RSBN1: variants seen among roughly 807,000 people sequenced by gnomAD.
RSBN1 encodes round spermatid basic protein 1.
In RSBN1, 23 loss-of-function variants were observed where a neutral mutation model predicts 74.8. The ratio of observed to expected loss-of-function variants is 0.31; its 90% CI spans 0.22 to 0.44. RSBN1 has a LOEUF of 0.44. Among genes scored for constraint, RSBN1 ranks in the 20% least tolerant of loss-of-function variants. The pLI, the probability that RSBN1 is intolerant of heterozygous loss-of-function variation, is 1.00. For synonymous variants in RSBN1, 407 were observed against 379.6 expected (o/e 1.07, Z -0.84); for missense variants, 808 against 1,020.9 (o/e 0.79, Z 2.84).
chr1:113,799,978 T>C (rs1181366462), intron 1 of RSBN1, among the ~76,000 whole-genome samples: 1 of 152,166 alleles, frequency 6.6e-6, no homozygotes, highest in East Asian at 1.9e-4. Context: ...TTAAGACAAA[T>C]ATTCCAATTA....
In RSBN1 at chr1:113,777,539, T is replaced by A. The variant is rs962897519; in HGVS notation, c.1515+132A>T. Reference sequence around the variant, plus strand: ...TAAGTACTTTGTACTAATATTATTCTATCTAAACATTTCTGTGCAAAACAC... The same window carrying A: ...TAAGTACTTTGTACTAATATTATTCAATCTAAACATTTCTGTGCAAAACAC... On this transcript the variant is annotated intron_variant, in intron 3 of 6. Coordinates refer to ENST00000261441, the MANE Select transcript of RSBN1 (RefSeq NM_018364.5). The A allele has an allele frequency of 1.1e-4, 108 of 973,720 alleles. 1 individual carries two copies. In the African/African-American group the frequency reaches 1.6e-3, roughly 15 times the overall value. 60.3% of individuals were successfully genotyped at this position (973,720 alleles called of 1,614,324 possible). A position where few individuals can be genotyped will look rare whatever the true frequency, so the allele number is the denominator to read the frequency against.
At chr1:113,784,286 A>AGGCAATTT (rs1660196423) in intron 2 of RSBN1, among the ~76,000 whole-genome samples, 1 of 152,322 alleles carries the variant, frequency 6.6e-6, no homozygotes, top group South Asian at 2.1e-4. Flanking sequence ...AAATGTCATT[A>AGGCAATTT]GGCAATTTGT....
chr1:113,768,395 G>A lies in RSBN1; in HGVS notation c.1659-6C>T, dbSNP rs201290185. 3.6e-5 allele frequency: 56 copies of A among 1,569,632 alleles called. No homozygotes were observed. Among genetic ancestry groups the A allele is most frequent in the Middle Eastern group, 1.7e-4 (1 of 5,876 alleles). On this transcript the variant is annotated splice_polypyrimidine_tract_variant and splice_region_variant and intron_variant, in intron 4 of 6. Coordinates refer to ENST00000261441, the MANE Select transcript of RSBN1 (RefSeq NM_018364.5). ...TTTTTATTTCATTCATTGATCTAGA[G>A]TTGATTTGGTTGTTAAACAAAGGGT...
intron 2 of RSBN1, among the ~76,000 whole-genome samples, chr1:113,782,465 G>A (rs1435178132): frequency 1.3e-5 from 2 of 152,162 alleles, no homozygotes; most frequent in Admixed American, 1.3e-4. Context: ...ACAGGAGGAA[G>A]AGTTAGCTAA....
chr1:113,784,335 G>C (rs1660197188), intron 2 of RSBN1, among the ~76,000 whole-genome samples: 1 of 152,114 alleles, frequency 6.6e-6, no homozygotes, highest in African/African-American at 2.4e-5. Context: ...ACAAATCTAA[G>C]TGGTATAGCC....
At chr1:113,786,341 T>G (rs1394398553) in intron 2 of RSBN1, among the ~76,000 whole-genome samples, 1 of 152,170 alleles carries the variant, frequency 6.6e-6, no homozygotes, top group Non-Finnish European at 1.5e-5. Context: ...ACCTAACCCC[T>G]AGAACCTAAT....
intron 4 of RSBN1, among the ~76,000 whole-genome samples, chr1:113,776,796 G>A (rs1167602509): frequency 7.4e-6 from 1 of 135,444 alleles, no homozygotes; most frequent in African/African-American, 2.9e-5. Context: ...GGGCAACAGA[G>A]TGAGACCCTA....
intron 2 of RSBN1, among the ~76,000 whole-genome samples, chr1:113,787,706 G>A (rs1660273077): frequency 6.6e-6 from 1 of 152,158 alleles, no homozygotes; most frequent in Non-Finnish European, 1.5e-5. Context: ...AATTCTAGCA[G>A]ACAGGTGTGT....
chr1:113,811,710 C>A lies in RSBN1; in HGVS notation c.703G>T (p.Glu235Ter). 1 of 1,580,322 alleles carries A rather than the reference C, an allele frequency of 6.3e-7. No individual in the cohort carries two copies. Among genetic ancestry groups the A allele is most frequent in the Non-Finnish European group, 8.6e-7 (1 of 1,159,820 alleles). ...AGCCGGGCAGTTTGCCTGCTCTCAC[C>A]TCTCTTGGGGGCTTTGATCAGAGGC... ...GVPLIKAPKR[E>*]TPDENGKTQR... Residue 235 changes from glutamate (E) to a stop codon, truncating the protein, a stop_gained and splice_region_variant, in exon 1 of 7, where the codon GAA becomes TAA. Transcript: ENST00000261441. LOFTEE classifies it high-confidence loss of function.
In RSBN1 at chr1:113,766,289, C is replaced by T. The variant is rs754797156; in HGVS notation, c.2100G>A (p.Arg700=). 4 of 1,614,032 alleles carry T rather than the reference C, an allele frequency of 2.5e-6. No homozygotes were observed. The Admixed American group carries it at 6.7e-5, about 27-fold the overall frequency. The part of the protein sequence containing the change: ...SAVCSLAWHI[R]LKQYHPVVEA... The stretch of plus-strand genomic sequence containing the variant: ...CCACAACAGGGTGGTACTGTTTAAG[C>T]CTTATATGCCAGGCTAAGCTGCACA... Residue 700 remains arginine, a synonymous_variant, in exon 7 of 7, where the codon AGG becomes AGA. Transcript: ENST00000261441.
chr1:113,772,459 C>T (rs1659902772), intron 4 of RSBN1, among the ~76,000 whole-genome samples: 1 of 151,918 alleles, frequency 6.6e-6, no homozygotes, highest in African/African-American at 2.4e-5. Flanking sequence ...TTTTGCCTCT[C>T]GTAAAAATAT....
Position 113,797,388 on chromosome 1 carries a change from G to A in RSBN1, c.1352C>T (p.Thr451Ile). ...CTGAGTGTGAAAATTTGAAATGGTG[G>A]TTGTTTCAATATCTTTCTTGCCCAG... The part of the protein sequence containing the change: ...EILGKKDIET[T>I]TISNFHTQVN... The change falls in exon 2 of 7, where the codon ACC becomes ATC. Residue 451 changes from threonine to isoleucine, a missense_variant. Transcript: ENST00000261441. The A allele has an allele frequency of 4.4e-6, 7 of 1,608,036 alleles. No individual in the cohort carries two copies. The highest frequency in any genetic ancestry group is 5.9e-6 in the Non-Finnish European group (7 of 1,177,964).
chr1:113,811,621 G>A, intron 1 of RSBN1, 89 bp downstream of exon 1: 3 of 1,481,148 alleles, frequency 2.0e-6, no homozygotes, highest in Non-Finnish European at 2.7e-6. Context: ...AAGGTAAGCA[G>A]GGGTTTGGCG....
At chr1:113,795,884 A>T (rs750441861) in intron 2 of RSBN1, among the ~76,000 whole-genome samples, 1 of 152,228 alleles carries the variant, frequency 6.6e-6, no homozygotes, top group Non-Finnish European at 1.5e-5. Context: ...CAAAACTGGG[A>T]CAGTTTTCCC....
intron 1 of RSBN1, among the ~76,000 whole-genome samples, chr1:113,805,534 T>C (rs998315): frequency 0.023 from 3,543 of 152,268 alleles, 51 homozygotes; most frequent in African/African-American, 0.04. Flanking sequence ...CCAGTGTGCA[T>C]AGCAGAAAGA....
chr1:113,811,937 G>A lies in RSBN1; in HGVS notation c.476C>T (p.Ala159Val). The A allele has an allele frequency of 1.9e-6, 3 of 1,597,924 alleles. No homozygotes were observed. Among genetic ancestry groups the A allele is most frequent in the Non-Finnish European group, 8.5e-7 (1 of 1,171,814 alleles). Residue 159 changes from alanine to valine, a missense_variant, in exon 1 of 7, where the codon GCT becomes GTT. This residue lies in a region of RSBN1 where 464 missense variants were observed against 401.0 expected (regional missense o/e 1.16). Coordinates refer to ENST00000261441, the MANE Select transcript of RSBN1 (RefSeq NM_018364.5). ...PSLAPAGPAV[A>V]APLPAPSTSA... ...GGTGCTTGGGGCCGGGAGAGGGGCAGCGACAGCGGGCCCGGCGGGTGCCAG... is the reference window on the plus strand; with the variant it reads ...GGTGCTTGGGGCCGGGAGAGGGGCAACGACAGCGGGCCCGGCGGGTGCCAG...
chr1:113,779,374 G>A (rs887047284), intron 2 of RSBN1, among the ~76,000 whole-genome samples: 3 of 152,060 alleles, frequency 2.0e-5, no homozygotes, highest in Admixed American at 1.3e-4. Flanking sequence ...CAGAAAAAAA[G>A]GCTGTAGATC....
At chr1:113,780,864 G>T (rs1205606432) in intron 2 of RSBN1, among the ~76,000 whole-genome samples, 1 of 152,204 alleles carries the variant, frequency 6.6e-6, no homozygotes, top group Non-Finnish European at 1.5e-5. Flanking sequence ...AGCCTAGCTA[G>T]AGAAAGCCCT....
At chr1:113,803,703 G>A (rs993420158) in intron 1 of RSBN1, among the ~76,000 whole-genome samples, 9 of 151,712 alleles carry the variant, frequency 5.9e-5, no homozygotes, top group African/African-American at 2.2e-4. Flanking sequence ...ATAAGAACAG[G>A]TGCTGTACTG....
Sources: allele counts gnomAD v4.1 joint callset (sites outside exome capture counted in the v4.1 genomes callset), GRCh38; gene constraint gnomAD v4.1.1; regional missense constraint gnomAD v4.1.1; transcripts MANE v1.5; gene names NCBI Gene and HGNC (gene_info 2026-07-23, HGNC 2026-07-21).